NHSL1: variants seen among roughly 807,000 people sequenced by gnomAD.
The protein encoded by NHSL1 is NHS like 1, also known as NHS-like protein 1.
In NHSL1, 48 loss-of-function variants were observed where a neutral mutation model predicts 95.0. The observed-to-expected ratio is 0.51, with a 90% confidence interval of 0.40 to 0.64. The LOEUF (loss-of-function observed/expected upper bound fraction) is 0.64, where lower values mean the gene tolerates loss of function less well. NHSL1 is among the 30% of genes least tolerant of loss of function. The pLI, the probability that NHSL1 is intolerant of heterozygous loss-of-function variation, is 0.00. For missense variants in NHSL1, 1,971 were observed against 2,077.7 expected (o/e 0.95, Z 1.00); for synonymous variants, 783 against 833.9 (o/e 0.94, Z 1.05).
At chr6:138,635,941 C>T (rs546850066) in intron 1 of NHSL1, among the ~76,000 whole-genome samples, 3 of 140,956 alleles carry the variant, frequency 2.1e-5, no homozygotes, top group Admixed American at 7.1e-5. Flanking sequence ...AGTGAAATGC[C>T]GTCTCTACTA....
At chr6:138,504,259 AAGAG>A (rs765716218), upstream of NHSL1, among the ~76,000 whole-genome samples, 3 of 146,300 alleles carry the variant, frequency 2.1e-5, no homozygotes, top group Non-Finnish European at 4.6e-5. Context: ...GAGAGAGAGA[AAGAG>A]AGAGAGAACG....
chr6:138,562,121 T>C (rs916092643), intron 1 of NHSL1, among the ~76,000 whole-genome samples: 19 of 152,182 alleles, frequency 1.2e-4, no homozygotes, highest in African/African-American at 1.9e-4. Context: ...CCACACACAT[T>C]TGTGTATATG....
chr6:138,663,485 G>A (rs890977264), intron 1 of NHSL1, among the ~76,000 whole-genome samples: 5 of 151,090 alleles, frequency 3.3e-5, no homozygotes, highest in Non-Finnish European at 4.4e-5. Flanking sequence ...ACTCGAACCC[G>A]GGGGGCAGAC....
rs570917438 is a variant in NHSL1, at chr6:138,679,672, G to A, written c.96+12804C>T. Among the ~76,000 whole-genome samples, 3 of 152,290 alleles carry A rather than the reference G, an allele frequency of 2.0e-5. No homozygotes were observed. In the South Asian group the frequency reaches 6.2e-4, roughly 32 times the overall value. ...CTTCTGTCCACTTGATAACTCTTGT[G>A]TGAACACGCAGACCCCTGAGGACAT... On this transcript the variant is annotated intron_variant, in intron 1 of 3. Transcript: ENST00000491526.
chr6:138,537,891 G>A (rs761109880), intron 1 of NHSL1, among the ~76,000 whole-genome samples: 41 of 152,252 alleles, frequency 2.7e-4, no homozygotes, highest in Non-Finnish European at 4.4e-4. Flanking sequence ...GGGCTGCAGA[G>A]ATCCAGGCCG....
intron 4 of NHSL1, among the ~76,000 whole-genome samples, chr6:138,446,201 C>A (rs1274738886): frequency 6.6e-6 from 1 of 152,032 alleles, no homozygotes; most frequent in Non-Finnish European, 1.5e-5. Flanking sequence ...CCACGCCCTG[C>A]TAATTTTGTA....
chr6:138,620,767 T>C (rs933227387), intron 1 of NHSL1, among the ~76,000 whole-genome samples: 2 of 152,168 alleles, frequency 1.3e-5, no homozygotes, highest in Non-Finnish European at 2.9e-5. Flanking sequence ...TAAATATAAC[T>C]TCCATCTGCC....
At chr6:138,469,610 A>G (rs181312482) in intron 3 of NHSL1, among the ~76,000 whole-genome samples, 2 of 152,202 alleles carry the variant, frequency 1.3e-5, no homozygotes, top group Non-Finnish European at 2.9e-5. Context: ...CTGTAATCTC[A>G]GCTACTCGGG....
Position 138,433,010 on chromosome 6 carries a change from A to T in NHSL1, c.1335T>A (p.His445Gln). The change falls in exon 6 of 8, where the codon CAT becomes CAA. Residue 445 changes from histidine (H) to glutamine (Q), a missense_variant. Physicochemically the swap from His to Gln is conservative, Grantham distance 24. Around this residue, in one of 3 missense-constraint regions of NHSL1, gnomAD observed 1,602 missense variants for 1,654.5 expected, o/e 0.97. Coordinates refer to ENST00000343505, the MANE Select transcript of NHSL1 (RefSeq NM_001144060.2). ...GGTGGTCTCTGGATTTTATCCTTGC[A>T]TGTGATGAGCCAGAACTTTTACTTT... ...QRESKSSGSS[H>Q]ARIKSRDHLI... 1 of 1,551,602 alleles carries T rather than the reference A, an allele frequency of 6.4e-7. No homozygotes were observed. Among genetic ancestry groups the T allele is most frequent in the Non-Finnish European group, 8.7e-7 (1 of 1,147,000 alleles).
chr6:138,675,419 G>A (rs1785435431), intron 1 of NHSL1, among the ~76,000 whole-genome samples: 1 of 152,146 alleles, frequency 6.6e-6, no homozygotes, highest in African/African-American at 2.4e-5. Context: ...TTGTAGACGA[G>A]GTCAGGGTCA....
At chr6:138,441,386 A>G (rs762517183) in intron 5 of NHSL1, among the ~76,000 whole-genome samples, 2 of 152,234 alleles carry the variant, frequency 1.3e-5, no homozygotes, top group Non-Finnish European at 2.9e-5. Flanking sequence ...ATGGGTAAGT[A>G]ATTAAACAAC....
chr6:138,571,021 C>T (rs1783821254), intron 1 of NHSL1, among the ~76,000 whole-genome samples: 1 of 152,196 alleles, frequency 6.6e-6, no homozygotes, highest in Non-Finnish European at 1.5e-5. Flanking sequence ...GTTTCCCTCT[C>T]TCCCAGCAGG....
At chr6:138,558,191 C>T (rs1236202984) in intron 1 of NHSL1, among the ~76,000 whole-genome samples, 2 of 151,952 alleles carry the variant, frequency 1.3e-5, no homozygotes, top group South Asian at 2.1e-4. Flanking sequence ...GGTGCGGACT[C>T]GGCTGACTGC....
chr6:138,449,207 G>A (rs1342483473), intron 3 of NHSL1, among the ~76,000 whole-genome samples: 1 of 152,194 alleles, frequency 6.6e-6, no homozygotes, highest in Non-Finnish European at 1.5e-5. Flanking sequence ...AATGAAAATA[G>A]TTTGCTGTTG....
chr6:138,570,665 C>T (rs747725271), intron 1 of NHSL1, among the ~76,000 whole-genome samples: 54 of 152,330 alleles, frequency 3.5e-4, no homozygotes, highest in Non-Finnish European at 7.1e-4. Flanking sequence ...TCAGCCTGTG[C>T]GACATAATTA....
At position 138,433,010 on chromosome 6, in the gene NHSL1, A is replaced by C; in HGVS notation, c.1335T>G (p.His445Gln). ...QRESKSSGSS[H>Q]ARIKSRDHLI... ...GGTGGTCTCTGGATTTTATCCTTGC[A>C]TGTGATGAGCCAGAACTTTTACTTT... The change falls in exon 6 of 8, where the codon CAT (histidine) becomes CAG (glutamine). Residue 445 changes from histidine (H) to glutamine (Q), a missense_variant. By Grantham distance (24) the His-to-Gln change is conservative (BLOSUM62 0). Around this residue, in one of 3 missense-constraint regions of NHSL1, gnomAD observed 1,602 missense variants for 1,654.5 expected, o/e 0.97. Transcript: ENST00000343505. The C allele has an allele frequency of 5.8e-6, 9 of 1,551,602 alleles. No homozygotes were observed. The highest frequency in any genetic ancestry group is 7.0e-6 in the Non-Finnish European group (8 of 1,147,000).
Position 138,431,860 on chromosome 6 carries a change from C to T in NHSL1, c.2485G>A (p.Gly829Ser), listed in dbSNP as rs1431841116. 11 of 1,551,600 alleles carry T rather than the reference C, an allele frequency of 7.1e-6. No homozygotes were observed. The highest frequency in any genetic ancestry group is 1.7e-4 in the Middle Eastern group (1 of 6,014). Residue 829 changes from glycine to serine, a missense_variant, in exon 6 of 8, where the codon GGT (glycine) becomes AGT (serine). Coordinates refer to ENST00000343505, the MANE Select transcript of NHSL1 (RefSeq NM_001144060.2). This position sits in a 1 kb window ranked among gnomAD's most constrained non-coding sequence, Gnocchi z 4.0. ...GSRATMPQVP[G>S]GSVKPKIMSP... is the part of the protein sequence containing the mutation. ...ATGATCTTTGGTTTGACTGAACCAC[C>T]GGGCACTTGGGGCATTGTGGCTCTG...
chr6:138,624,772 G>A (rs1265871622), intron 1 of NHSL1, among the ~76,000 whole-genome samples: 1 of 152,146 alleles, frequency 6.6e-6, no homozygotes, highest in Non-Finnish European at 1.5e-5. Context: ...TAATATTGCT[G>A]AGCATCCTAA....
chr6:138,565,365 C>A (rs994829131), intron 1 of NHSL1, among the ~76,000 whole-genome samples: 8 of 152,120 alleles, frequency 5.3e-5, no homozygotes, highest in African/African-American at 1.9e-4. Flanking sequence ...CCTCGGCCTC[C>A]CCAGGTGCTG....
Sources: allele counts gnomAD v4.1 joint callset (sites outside exome capture counted in the v4.1 genomes callset), GRCh38; gene constraint gnomAD v4.1.1; regional missense constraint gnomAD v4.1.1; non-coding constraint Gnocchi (gnomAD v3.1); transcripts MANE v1.5; gene names NCBI Gene and HGNC (gene_info 2026-07-23, HGNC 2026-07-21).